Variants in EXOSC4 observed in about 807,000 individuals in gnomAD.
The protein encoded by EXOSC4 is exosome complex component RRP41.
Under a neutral mutation model 20.0 loss-of-function variants are expected in EXOSC4, and 14 were observed. That is an observed-to-expected ratio of 0.70 (90% CI 0.46 to 1.09). The LOEUF is 1.09. EXOSC4 is among the 50% of genes least tolerant of loss of function. The pLI is 0.00. For synonymous variants in EXOSC4, 148 were observed against 146.4 expected, an observed-to-expected ratio of 1.01 and a Z score of -0.08; for missense variants, 337 against 334.0, an observed-to-expected ratio of 1.01 and a Z score of -0.07.
chr8:144,071,261 T>C, the EXOSC4 span, among the ~76,000 whole-genome samples: 2 of 15,610 alleles, frequency 1.3e-4, no homozygotes, highest in Non-Finnish European at 2.2e-4. Flanking sequence ...CCCTCCCCTC[T>C]CCCCTCCCCT....
chr8:144,064,168 CT>C, the EXOSC4 span, among the ~76,000 whole-genome samples: 1 of 152,248 alleles, frequency 6.6e-6, no homozygotes, highest in Non-Finnish European at 1.5e-5. Context: ...TCCCAGGTCT[CT>C]GGCTCACTCC....
the EXOSC4 span, among the ~76,000 whole-genome samples, chr8:144,070,733 C>A: frequency 1.3e-5 from 2 of 151,744 alleles, no homozygotes; most frequent in Non-Finnish European, 2.9e-5. Context: ...GAGGCTGAGG[C>A]AGGAGAATCC....
chr8:144,077,667 G>C (rs1178716945), upstream of EXOSC4, among the ~76,000 whole-genome samples: 1 of 152,208 alleles, frequency 6.6e-6, no homozygotes, highest in African/African-American at 2.4e-5. Flanking sequence ...TTGACCCACA[G>C]AGTGTGGCAG....
the EXOSC4 span, among the ~76,000 whole-genome samples, chr8:144,064,381 C>T: frequency 2.3e-4 from 35 of 152,362 alleles, no homozygotes; most frequent in East Asian, 5.6e-3. Context: ...ACGGTTGGCA[C>T]AGCTTCTGAA....
intron 1 of EXOSC4, chr8:144,079,578 G>C (rs1187736193): frequency 2.6e-6 from 1 of 385,806 alleles, no homozygotes; most frequent in Non-Finnish European, 5.0e-6. Context: ...GAGGGTTCCC[G>C]GGGAGGTGAG....
chr8:144,072,203 C>T, the EXOSC4 span, among the ~76,000 whole-genome samples: 6 of 151,852 alleles, frequency 4.0e-5, no homozygotes, highest in South Asian at 2.1e-4. Flanking sequence ...TTTTTTGAGA[C>T]GGAGTCTCGC....
the EXOSC4 span, among the ~76,000 whole-genome samples, chr8:144,066,442 T>C: frequency 7.4e-6 from 1 of 134,960 alleles, no homozygotes. Flanking sequence ...TTCTCTTTTT[T>C]TTTTTTTTTT....
upstream of EXOSC4, among the ~76,000 whole-genome samples, chr8:144,076,639 G>A (rs77083209): frequency 0.061 from 9,211 of 152,184 alleles, 845 homozygotes; most frequent in African/African-American, 0.19. Context: ...TTGAAGTAGC[G>A]GCTATCACTG....
the EXOSC4 span, among the ~76,000 whole-genome samples, chr8:144,065,996 T>G: frequency 6.7e-6 from 1 of 150,054 alleles, no homozygotes; most frequent in Non-Finnish European, 1.5e-5. Context: ...TTTTTTTTTT[T>G]TGGTAGAAAC....
chr8:144,073,219 AAAATAC>A, the EXOSC4 span, among the ~76,000 whole-genome samples: 1 of 152,020 alleles, frequency 6.6e-6, no homozygotes. Flanking sequence ...ATCTCTACTA[AAAATAC>A]AAATACAAAA....
In EXOSC4 at chr8:144,078,920, G is replaced by A. The variant is rs570070699; in HGVS notation, c.171+21G>A. The A allele has an allele frequency of 8.2e-6, 12 of 1,456,540 alleles. No individual in the cohort carries two copies. In the South Asian group the frequency reaches 1.6e-4, roughly 19 times the overall value. 90.2% of individuals were successfully genotyped at this position (1,456,540 alleles called of 1,614,324 possible). ...ACGAGGCGAGTGGGCGCGCGGGATG[G>A]GGAATCGTGTGGCCGTGGGAGCTGC... On this transcript the variant is annotated intron_variant, in intron 1 of 2. Coordinates refer to ENST00000316052, the MANE Select transcript of EXOSC4 (RefSeq NM_019037.3). This position sits in a 1 kb window ranked among gnomAD's most constrained non-coding sequence, Gnocchi z 4.7.
At chr8:144,078,632 G>C (rs558461285), upstream of EXOSC4, 5 of 1,299,454 alleles carry the variant, frequency 3.8e-6, no homozygotes, top group East Asian at 9.5e-5. This position sits in a 1 kb window ranked among gnomAD's most constrained non-coding sequence, Gnocchi z 4.7. Context: ...GCGGACCTCC[G>C]GAAACCGTAG....
At chr8:144,078,494 C>G (rs934156948), upstream of EXOSC4, 1 of 387,296 alleles carries the variant, frequency 2.6e-6, no homozygotes, top group Non-Finnish European at 4.5e-6. This position sits in a 1 kb window ranked among gnomAD's most constrained non-coding sequence, Gnocchi z 4.7. Context: ...ACCGTAGATC[C>G]GGGGAGGTCG....
the EXOSC4 span, among the ~76,000 whole-genome samples, chr8:144,070,017 C>A: frequency 2.0e-5 from 3 of 152,238 alleles, no homozygotes; most frequent in Admixed American, 2.0e-4. Flanking sequence ...CCCGGGCGTG[C>A]CCAAAGCAAG....
upstream of EXOSC4, chr8:144,078,646 C>T (rs1554763003): frequency 1.5e-6 from 2 of 1,324,808 alleles, no homozygotes; most frequent in South Asian, 1.8e-5. The surrounding 1 kb of genome is among the most constrained non-coding windows in gnomAD (Gnocchi z 4.7). Flanking sequence ...ACCGTAGATT[C>T]CGGGCGGTCG....
chr8:144,066,188 T>A, the EXOSC4 span, among the ~76,000 whole-genome samples: 5 of 149,440 alleles, frequency 3.3e-5, no homozygotes, highest in Non-Finnish European at 5.9e-5. Context: ...GGCTGATTTT[T>A]TTTTGTATTT....
At chr8:144,072,998 A>G in the EXOSC4 span, among the ~76,000 whole-genome samples, 1 of 152,360 alleles carries the variant, frequency 6.6e-6, no homozygotes, top group South Asian at 2.1e-4. Flanking sequence ...GCTTATGCAA[A>G]GGCCCATGAA....
Position 144,080,372 on chromosome 8 carries a change from T to C in EXOSC4, c.509T>C (p.Leu170Pro). ...CSAGFVDGTALADLSHVEEAA... is the reference protein window; with the variant it reads ...CSAGFVDGTAPADLSHVEEAA... ...GCTGGCTTCGTGGACGGCACAGCCCTGGCGGACCTCAGCCATGTGGAGGAA... is the reference window on the plus strand; with the variant it reads ...GCTGGCTTCGTGGACGGCACAGCCCCGGCGGACCTCAGCCATGTGGAGGAA... Residue 170 changes from leucine (L) to proline (P), a missense_variant, in exon 3 of 3, where the codon CTG (leucine) becomes CCG (proline). Physicochemically the swap from Leu to Pro is moderately conservative, Grantham distance 98. Coordinates refer to ENST00000316052, the MANE Select transcript of EXOSC4 (RefSeq NM_019037.3). This position sits in a 1 kb window ranked among gnomAD's most constrained non-coding sequence, Gnocchi z 4.9. The C allele has an allele frequency of 6.2e-7, 1 of 1,612,596 alleles. No individual in the cohort carries two copies. The highest frequency in any genetic ancestry group is 1.1e-5 in the South Asian group (1 of 91,088).
rs370639052 is a variant in EXOSC4 at position 144,080,472 on chromosome 8, C to T, written c.609C>T (p.Ala203=). 3 of 1,608,334 alleles carry T rather than the reference C, an allele frequency of 1.9e-6. No homozygotes were observed. The highest frequency in any genetic ancestry group is 2.5e-6 in the Non-Finnish European group (3 of 1,179,990). Residue 203 remains alanine (A), a synonymous_variant, in exon 3 of 3, where the codon GCC becomes GCT. Coordinates refer to ENST00000316052, the MANE Select transcript of EXOSC4 (RefSeq NM_019037.3). This position sits in a 1 kb window ranked among gnomAD's most constrained non-coding sequence, Gnocchi z 4.9. ...AGATTGCGCTGCTTGAGATGGATGCCCGGCTGCACGAGGACCACCTGGAGC... is the reference window on the plus strand; with the variant it reads ...AGATTGCGCTGCTTGAGATGGATGCTCGGCTGCACGAGGACCACCTGGAGC... ...SGQIALLEMD[A]RLHEDHLERV...
Sources: allele counts gnomAD v4.1 joint callset (sites outside exome capture counted in the v4.1 genomes callset), GRCh38; gene constraint gnomAD v4.1.1; non-coding constraint Gnocchi (gnomAD v3.1); transcripts MANE v1.5; gene names NCBI Gene and HGNC (gene_info 2026-07-23, HGNC 2026-07-21).